Variants in SPPL3 observed in about 807,000 individuals in gnomAD.
The protein encoded by SPPL3 is signal peptide peptidase-like 3.
A neutral mutation model predicts 42.4 loss-of-function variants in SPPL3; 5 were observed. That is an observed-to-expected ratio of 0.12 (90% confidence interval 0.06 to 0.25). The LOEUF (loss-of-function observed/expected upper bound fraction) is 0.25. Among genes scored for constraint, SPPL3 ranks in the 10% least tolerant of loss-of-function variants. The probability of loss-of-function intolerance (pLI) is 1.00; values close to 1 mark genes in which losing one functional copy is unlikely to be tolerated. For missense variants in SPPL3, 235 were observed against 489.0 expected (o/e 0.48, Z 4.90); for synonymous variants, 195 against 181.8 (o/e 1.07, Z -0.58).
At chr12:120,816,726 T>C (rs886390218) in intron 1 of SPPL3, among the ~76,000 whole-genome samples, 6 of 152,136 alleles carry the variant, frequency 3.9e-5, no homozygotes, top group African/African-American at 1.4e-4. Flanking sequence ...TGCCCAGGGC[T>C]GGAGAACTGT....
intron 1 of SPPL3, among the ~76,000 whole-genome samples, chr12:120,846,329 A>C (rs1336297828): frequency 6.6e-6 from 1 of 152,258 alleles, no homozygotes; most frequent in Non-Finnish European, 1.5e-5. Flanking sequence ...ACACATGCAC[A>C]GTAATGACAT....
Position 120,870,727 on chromosome 12 carries a change from C to T in SPPL3, c.23+33118G>A, listed in dbSNP as rs77194809. ...CTGAAGACATGATAAGTGAAGTATG[C>T]CAGTCACAAAAGGACAAATAAAGGA... On this transcript the variant is annotated intron_variant, in intron 1 of 10. Transcript: ENST00000353487. Among the ~76,000 whole-genome samples the T allele has an allele frequency of 3.1e-3, 471 of 152,184 alleles. 9 individuals carry two copies. The East Asian group carries it at 0.05, about 16-fold the overall frequency.
intron 1 of SPPL3, among the ~76,000 whole-genome samples, chr12:120,827,960 G>C (rs532667463): frequency 6.6e-6 from 1 of 152,036 alleles, no homozygotes; most frequent in Non-Finnish European, 1.5e-5. Flanking sequence ...GCTAATTTTT[G>C]TATTTTTAGT....
intron 1 of SPPL3, among the ~76,000 whole-genome samples, chr12:120,853,361 C>T (rs932376553): frequency 6.6e-6 from 1 of 152,166 alleles, no homozygotes; most frequent in African/African-American, 2.4e-5. Flanking sequence ...ATAAAGTACA[C>T]TGACATTTTT....
chr12:120,833,282 A>C (rs1871490480), intron 1 of SPPL3, among the ~76,000 whole-genome samples: 2 of 152,204 alleles, frequency 1.3e-5, no homozygotes, highest in South Asian at 4.1e-4. Flanking sequence ...TACTTGGAGC[A>C]TGGGTACCAG....
At chr12:120,888,178 T>C (rs1413087997) in intron 1 of SPPL3, among the ~76,000 whole-genome samples, 2 of 152,126 alleles carry the variant, frequency 1.3e-5, no homozygotes, top group Non-Finnish European at 2.9e-5. Flanking sequence ...TGCGTTCAAG[T>C]GATTCTCCTA....
intron 1 of SPPL3, among the ~76,000 whole-genome samples, chr12:120,867,486 G>T (rs1317137364): frequency 6.6e-6 from 1 of 152,044 alleles, no homozygotes; most frequent in Non-Finnish European, 1.5e-5. Flanking sequence ...CTAACATGGT[G>T]AAACTTTGTC....
At chr12:120,877,586 G>C (rs2051311286) in intron 1 of SPPL3, among the ~76,000 whole-genome samples, 2 of 152,038 alleles carry the variant, frequency 1.3e-5, no homozygotes, top group South Asian at 4.1e-4. Context: ...TTCAAGACCA[G>C]CCTGGCCAAC....
At position 120,768,376 on chromosome 12, in the gene SPPL3, A is replaced by G. The variant is rs1210355785; in HGVS notation, c.722T>C (p.Val241Ala). Residue 241 changes from valine to alanine, a missense_variant, in exon 8 of 11, where the codon GTT (valine) becomes GCT (alanine). By Grantham distance (64) the Val-to-Ala change is moderately conservative. Around this residue, in one of 6 missense-constraint regions of SPPL3, gnomAD observed 20 missense variants for 28.2 expected, o/e 0.71. Coordinates refer to ENST00000353487, the MANE Select transcript of SPPL3 (RefSeq NM_139015.5). ...LSRKLHLGPN[V>A]GRDVPRLSLP... Reference sequence around the variant, plus strand: ...AGACAGGCGAGGAACATCACGCCCAACATTGGGCCCCAGGTGGAGCTTCCG... The same window carrying G: ...AGACAGGCGAGGAACATCACGCCCAGCATTGGGCCCCAGGTGGAGCTTCCG... The G allele has an allele frequency of 3.1e-6, 5 of 1,614,198 alleles. No homozygotes were observed.
At chr12:120,776,265 C>A (rs1359968623) in intron 6 of SPPL3, among the ~76,000 whole-genome samples, 1 of 152,162 alleles carries the variant, frequency 6.6e-6, no homozygotes, top group Non-Finnish European at 1.5e-5. Flanking sequence ...GAACATTCAG[C>A]AAAACTTTTC....
intron 5 of SPPL3, 32 bp downstream of exon 5, chr12:120,783,642 T>C: frequency 6.4e-7 from 1 of 1,556,986 alleles, no homozygotes. Flanking sequence ...TATACAAGTT[T>C]ATAATTTAAG....
intron 8 of SPPL3, 143 bp downstream of exon 8, chr12:120,768,182 C>T: frequency 1.8e-6 from 2 of 1,091,244 alleles, no homozygotes; most frequent in Non-Finnish European, 2.5e-6. Context: ...AGCCAAGAAT[C>T]TCATCCTCAT....
chr12:120,848,960 T>C (rs76399849), intron 1 of SPPL3, among the ~76,000 whole-genome samples: 2,122 of 152,162 alleles, frequency 0.014, 37 homozygotes, highest in African/African-American at 0.045. Context: ...AGGCCCAGGA[T>C]GTAATACAAA....
chr12:120,865,736 TG>T (rs1872737149), intron 1 of SPPL3, among the ~76,000 whole-genome samples: 1 of 152,108 alleles, frequency 6.6e-6, no homozygotes, highest in African/African-American at 2.4e-5. Flanking sequence ...CAAGCTAGCC[TG>T]GAAGAATCAC....
At chr12:120,869,311 A>G (rs372983446) in intron 1 of SPPL3, among the ~76,000 whole-genome samples, 46 of 152,368 alleles carry the variant, frequency 3.0e-4, no homozygotes, top group African/African-American at 1.1e-3. Context: ...ATGAAAAAAC[A>G]TTACTCACTC....
At chr12:120,895,745 TA>T (rs58279381) in intron 1 of SPPL3, among the ~76,000 whole-genome samples, 62,176 of 151,658 alleles carry the variant, frequency 0.41, 14,285 homozygotes, top group Admixed American at 0.56. Flanking sequence ...ATTATCTCAC[TA>T]AATCCTCACA....
At chr12:120,873,991 G>A (rs1873002771) in intron 1 of SPPL3, among the ~76,000 whole-genome samples, 1 of 152,052 alleles carries the variant, frequency 6.6e-6, no homozygotes, top group Non-Finnish European at 1.5e-5. Flanking sequence ...TTCACCCAGT[G>A]ATACATAGTT....
At chr12:120,766,640 C>G (rs1261873175) in intron 9 of SPPL3, among the ~76,000 whole-genome samples, 1 of 147,272 alleles carries the variant, frequency 6.8e-6, no homozygotes, top group Non-Finnish European at 1.5e-5. Context: ...TCCAAGTGTG[C>G]CTCTGTCTCC....
chr12:120,767,217 A>G (rs1035180411), intron 9 of SPPL3, among the ~76,000 whole-genome samples, 177 bp downstream of exon 9: 4 of 152,186 alleles, frequency 2.6e-5, no homozygotes, highest in African/African-American at 9.7e-5. Flanking sequence ...TGGAGAGGGA[A>G]CTGGCCTATC....
Sources: gnomAD v4.1 joint callset for allele counts (sites outside exome capture counted in the v4.1 genomes callset) on GRCh38, gnomAD v4.1.1 for gene constraint, gnomAD v4.1.1 regional missense constraint, MANE v1.5 for transcripts, NCBI Gene and HGNC (gene_info 2026-07-23, HGNC 2026-07-21) for gene names.